The following DOK6 variants were observed in gnomAD, a reference collection of about 807,000 sequenced individuals.
DOK6 encodes docking protein 6, also known as downstream of tyrosine kinase 6.
DOK6 carries 22 observed loss-of-function variants against 44.0 expected under a neutral mutation model. That is an observed-to-expected ratio of 0.50 (90% confidence interval 0.36 to 0.71). The LOEUF (loss-of-function observed/expected upper bound fraction) is 0.71. Among genes scored for constraint, DOK6 ranks in the 30% least tolerant of loss-of-function variants. The pLI is 0.00. For missense variants in DOK6, 340 were observed against 416.4 expected (o/e 0.82, Z 1.60); for synonymous variants, 166 against 145.5 (o/e 1.14, Z -1.01).
chr18:69,636,932 G>C (rs1984823335), intron 3 of DOK6, among the ~76,000 whole-genome samples: 1 of 152,246 alleles, frequency 6.6e-6, no homozygotes, highest in African/African-American at 2.4e-5. Flanking sequence ...TAAATGAGGT[G>C]AGTTGACTTT....
intron 3 of DOK6, among the ~76,000 whole-genome samples, chr18:69,638,102 T>C (rs1984851786): frequency 6.6e-6 from 1 of 152,232 alleles, no homozygotes; most frequent in African/African-American, 2.4e-5. Context: ...GTTGGCAAAC[T>C]TTTTCTGTAA....
intron 1 of DOK6, among the ~76,000 whole-genome samples, chr18:69,428,905 T>C (rs910490412): frequency 1.2e-4 from 18 of 152,238 alleles, no homozygotes; most frequent in Admixed American, 5.2e-4. Flanking sequence ...TTCATGTTTA[T>C]TAGTGTTTCC....
intron 5 of DOK6, among the ~76,000 whole-genome samples, chr18:69,725,564 T>C (rs1978302347): frequency 6.6e-6 from 1 of 152,234 alleles, no homozygotes. Context: ...CTCGGCTCAC[T>C]GCAGCCTCCG....
intron 7 of DOK6, among the ~76,000 whole-genome samples, chr18:69,830,240 TC>T (rs542642963): frequency 7.0e-4 from 106 of 152,292 alleles, no homozygotes; most frequent in African/African-American, 2.5e-3. Context: ...AATTAATGTC[TC>T]CTGATTCATT....
intron 2 of DOK6, among the ~76,000 whole-genome samples, chr18:69,571,890 T>G (rs993879086): frequency 6.6e-6 from 1 of 152,190 alleles, no homozygotes; most frequent in South Asian, 2.1e-4. Context: ...CACTTTGACT[T>G]GATACTTTTA....
chr18:69,638,086 G>A (rs72961450), intron 3 of DOK6, among the ~76,000 whole-genome samples: 2,382 of 152,268 alleles, frequency 0.016, 31 homozygotes, highest in Non-Finnish European at 0.025. Context: ...TTTCTTTAGA[G>A]CAGAAGTTGG....
At chr18:69,640,966 A>C (rs1462759546) in intron 3 of DOK6, among the ~76,000 whole-genome samples, 1 of 152,118 alleles carries the variant, frequency 6.6e-6, no homozygotes, top group African/African-American at 2.4e-5. Context: ...TAATCCCAGC[A>C]CTTTGGGAGG....
intron 3 of DOK6, among the ~76,000 whole-genome samples, chr18:69,605,610 G>GA (rs1272653300): frequency 6.6e-6 from 1 of 151,938 alleles, no homozygotes; most frequent in Non-Finnish European, 1.5e-5. Flanking sequence ...CAATATTCAG[G>GA]AAATAATCCC....
chr18:69,604,651 A>G (rs1489576589), intron 3 of DOK6, among the ~76,000 whole-genome samples: 2 of 152,168 alleles, frequency 1.3e-5, no homozygotes, highest in African/African-American at 4.8e-5. Context: ...CTCAACCTTC[A>G]TGACACATGC....
At chr18:69,413,544 A>T (rs1476137404) in intron 1 of DOK6, among the ~76,000 whole-genome samples, 4 of 152,132 alleles carry the variant, frequency 2.6e-5, no homozygotes, top group African/African-American at 9.6e-5. Flanking sequence ...ATGTTACTGG[A>T]GTAATTGAAC....
intron 7 of DOK6, among the ~76,000 whole-genome samples, chr18:69,773,594 C>A (rs765510711): frequency 1.3e-5 from 2 of 151,870 alleles, no homozygotes; most frequent in Non-Finnish European, 2.9e-5. Context: ...CACAGAAGGA[C>A]AAATATTACA....
At chr18:69,595,187 G>C (rs1203315124) in intron 2 of DOK6, among the ~76,000 whole-genome samples, 1 of 152,166 alleles carries the variant, frequency 6.6e-6, no homozygotes, top group African/African-American at 2.4e-5. Flanking sequence ...GCAATCTACA[G>C]ATTCAATGCA....
At chr18:69,440,064 T>C (rs1979094233) in intron 1 of DOK6, among the ~76,000 whole-genome samples, 2 of 152,186 alleles carry the variant, frequency 1.3e-5, no homozygotes, top group African/African-American at 4.8e-5. Flanking sequence ...GAGGCCATTG[T>C]AGGGTTATTC....
In DOK6 at chr18:69,650,414, A is replaced by G. The variant is rs147195013; in HGVS notation, c.290-27320A>G. Among the ~76,000 whole-genome samples, 4 of 152,298 alleles carry G rather than the reference A, an allele frequency of 2.6e-5. 1 individual carries two copies. The highest frequency in any genetic ancestry group is 5.9e-5 in the Non-Finnish European group (4 of 68,024). ...ACCAAGAGTGAGCAAAGCCCTAGAC[A>G]TCTTCCCTATCACATATGAGCCATG... On this transcript the variant is annotated intron_variant, in intron 3 of 7. Coordinates refer to ENST00000382713, the MANE Select transcript of DOK6 (RefSeq NM_152721.6).
intron 1 of DOK6, among the ~76,000 whole-genome samples, chr18:69,529,602 T>C (rs1028798637): frequency 1.3e-5 from 2 of 152,218 alleles, no homozygotes; most frequent in African/African-American, 2.4e-5. Context: ...ATAATAAATA[T>C]ACTCCCTGCA....
At position 69,552,548 on chromosome 18, in the gene DOK6, G is replaced by A. The variant is rs1187035934; in HGVS notation, c.67-11939G>A. 2.6e-5 allele frequency among the ~76,000 whole-genome samples: 4 copies of A among 152,226 alleles called. No homozygotes were observed. In the East Asian group the frequency reaches 5.8e-4, roughly 22 times the overall value. On this transcript the variant is annotated intron_variant, in intron 1 of 7. Transcript: ENST00000382713. Reference sequence around the variant, plus strand: ...ATTATACATGTGTATTTATTGATAAGGCATGAAGTTCAGAACATTTGCTAT... The same window carrying A: ...ATTATACATGTGTATTTATTGATAAAGCATGAAGTTCAGAACATTTGCTAT...
At chr18:69,469,663 G>A in intron 1 of DOK6, 1 of 246,280 alleles carries the variant, frequency 4.1e-6, no homozygotes, top group East Asian at 1.5e-4. Flanking sequence ...ACCAGAGCCT[G>A]GGCACTGCCG....
chr18:69,733,327 G>T (rs1337534421), intron 5 of DOK6, among the ~76,000 whole-genome samples: 1 of 152,114 alleles, frequency 6.6e-6, no homozygotes, highest in African/African-American at 2.4e-5. Context: ...ATAAATAACA[G>T]TTAGTAGGTT....
At chr18:69,404,314 G>A (rs1208037942) in intron 1 of DOK6, among the ~76,000 whole-genome samples, 1 of 152,190 alleles carries the variant, frequency 6.6e-6, no homozygotes, top group Non-Finnish European at 1.5e-5. Context: ...CACTGGGGAA[G>A]CTAGCAACCT....
Sources: allele counts gnomAD v4.1 joint callset (sites outside exome capture counted in the v4.1 genomes callset), GRCh38; gene constraint gnomAD v4.1.1; transcripts MANE v1.5; gene names NCBI Gene and HGNC (gene_info 2026-07-23, HGNC 2026-07-21).